HMGXB4: variants seen among roughly 807,000 people sequenced by gnomAD.
The protein encoded by HMGXB4 is HMG domain-containing protein 4.
In HMGXB4, 27 loss-of-function variants were observed where a neutral mutation model predicts 63.9. That is an observed-to-expected ratio of 0.42 (90% CI 0.31 to 0.58). HMGXB4 has a LOEUF of 0.58. Among genes scored for constraint, HMGXB4 ranks in the 20% least tolerant of loss-of-function variants. The pLI is 0.13. For synonymous variants in HMGXB4, 264 were observed against 265.3 expected (o/e 0.99, Z 0.05); for missense variants, 624 against 700.7 (o/e 0.89, Z 1.24).
Position 35,264,794 on chromosome 22 carries a change from G to A in HMGXB4, c.406G>A (p.Gly136Ser), listed in dbSNP as rs766666394. 7.4e-6 allele frequency: 12 copies of A among 1,614,146 alleles called. No individual in the cohort carries two copies. In the East Asian group the frequency reaches 2.7e-4, roughly 36 times the overall value. The change falls in exon 5 of 11, where the codon GGC becomes AGC. Residue 136 changes from glycine (G) to serine (S), a missense_variant. Around this residue, in one of 2 missense-constraint regions of HMGXB4, gnomAD observed 472 missense variants for 470.6 expected, o/e 1.00. Transcript: ENST00000216106. ...CAAAAAGACTGGGGAGAAATCCTCT[G>A]GCTCTTCAAGCCATTCGGAGAGTAA... Reference protein sequence around the residue: ...PSKKTGEKSSGSSSHSESKKE... With the variant: ...PSKKTGEKSSSSSSHSESKKE...
chr22:35,290,046 G>T (rs890778578), intron 9 of HMGXB4, among the ~76,000 whole-genome samples: 1 of 152,122 alleles, frequency 6.6e-6, no homozygotes, highest in African/African-American at 2.4e-5. Flanking sequence ...AAAAATTTTA[G>T]CAGTAGTCAA....
chr22:35,289,143 AAAG>A (rs912526807), intron 9 of HMGXB4, among the ~76,000 whole-genome samples: 2 of 42,120 alleles, frequency 4.7e-5, no homozygotes, highest in African/African-American at 7.5e-5. Flanking sequence ...CCATCACAAA[AAAG>A]AAAGAAAGAA....
At chr22:35,255,452 C>T (rs1278955853), upstream of HMGXB4, among the ~76,000 whole-genome samples, 1 of 152,188 alleles carries the variant, frequency 6.6e-6, no homozygotes, top group Admixed American at 6.5e-5. Context: ...GGGGTCGAAG[C>T]TGCAGTGAGC....
chr22:35,247,378 CT>C, the HMGXB4 span, among the ~76,000 whole-genome samples: 1 of 152,226 alleles, frequency 6.6e-6, no homozygotes, highest in Non-Finnish European at 1.5e-5. Context: ...AGATTGTTCC[CT>C]CCAGTCCTTC....
the HMGXB4 span, among the ~76,000 whole-genome samples, chr22:35,251,813 G>C: frequency 6.6e-6 from 1 of 152,102 alleles, no homozygotes; most frequent in Non-Finnish European, 1.5e-5. Flanking sequence ...TCAAAATCAA[G>C]GTAATAGACA....
chr22:35,285,747 G>A (rs1350148728), intron 6 of HMGXB4, among the ~76,000 whole-genome samples: 1 of 152,022 alleles, frequency 6.6e-6, no homozygotes, highest in Non-Finnish European at 1.5e-5. Context: ...CCAGAAAGAT[G>A]CTTAAGGAAT....
the HMGXB4 span, among the ~76,000 whole-genome samples, chr22:35,248,615 G>A: frequency 2.0e-5 from 3 of 151,972 alleles, no homozygotes; most frequent in Non-Finnish European, 4.4e-5. Flanking sequence ...ACGTTGCCCA[G>A]GCTGGTCTCG....
the HMGXB4 span, among the ~76,000 whole-genome samples, chr22:35,242,768 C>G: frequency 2.6e-5 from 4 of 152,012 alleles, no homozygotes; most frequent in Non-Finnish European, 5.9e-5. Context: ...TTATATATTT[C>G]CCTCTCGGCC....
intron 5 of HMGXB4, among the ~76,000 whole-genome samples, chr22:35,277,547 C>T (rs1302260271): frequency 6.6e-6 from 1 of 152,150 alleles, no homozygotes; most frequent in Non-Finnish European, 1.5e-5. Context: ...TGGGGTTTCA[C>T]CATATTGGCC....
Position 35,264,708 on chromosome 22 carries a change from A to T in HMGXB4, c.320A>T (p.Asp107Val). ...AAAAAGTCCAGCCCACAGTCTACTG[A>T]TACAGCTATGGACCTGTTGAAAGCT... ...KKKKSSPQST[D>V]TAMDLLKAIT... is the part of the protein sequence containing the mutation. The change falls in exon 5 of 11, where the codon GAT (aspartate) becomes GTT (valine). Residue 107 changes from aspartate to valine, a missense_variant. Physicochemically the swap from Asp to Val is radical, Grantham distance 152. Coordinates refer to ENST00000216106, the MANE Select transcript of HMGXB4 (RefSeq NM_001003681.3). 6.2e-7 allele frequency: 1 copy of T among 1,610,630 alleles called. No homozygotes were observed. The highest frequency in any genetic ancestry group is 8.5e-7 in the Non-Finnish European group (1 of 1,178,778).
Position 35,264,639 on chromosome 22 carries a change from T to G in HMGXB4, c.260-9T>G. 1 of 1,541,578 alleles carries G rather than the reference T, an allele frequency of 6.5e-7. No individual in the cohort carries two copies. The highest frequency in any genetic ancestry group is 8.7e-7 in the Non-Finnish European group (1 of 1,145,908). ...TCATATTGACAGTACTTCTCTTGATTATTTCTAGATATTTCGTCTTTGGAA... is the reference window on the plus strand; with the variant it reads ...TCATATTGACAGTACTTCTCTTGATGATTTCTAGATATTTCGTCTTTGGAA... On this transcript the variant is annotated splice_polypyrimidine_tract_variant and intron_variant, in intron 4 of 10. Transcript: ENST00000216106.
chr22:35,279,693 T>TC (rs1924129248), intron 5 of HMGXB4, among the ~76,000 whole-genome samples: 1 of 123,694 alleles, frequency 8.1e-6, no homozygotes, highest in South Asian at 2.9e-4. Flanking sequence ...TTTTTTTTTT[T>TC]TTTTTTGGCA....
In HMGXB4 at chr22:35,258,890, G is replaced by A. The variant is rs149273591; in HGVS notation, c.-69+1333G>A. Among the ~76,000 whole-genome samples the A allele has an allele frequency of 3.1e-3, 479 of 152,240 alleles. 2 individuals are homozygous for A. The highest frequency in any genetic ancestry group is 0.011 in the African/African-American group (461 of 41,530). On this transcript the variant is annotated intron_variant, in intron 1 of 10. Coordinates refer to ENST00000216106, the MANE Select transcript of HMGXB4 (RefSeq NM_001003681.3). The stretch of plus-strand genomic sequence containing the variant: ...ATTTCTCTTACTGTCCGTGTGACGG[G>A]GCTTACTTTGTTTCCTTTTTTTCGA...
intron 3 of HMGXB4, 28 bp downstream of exon 3, chr22:35,263,254 A>G: frequency 6.4e-7 from 1 of 1,556,866 alleles, no homozygotes; most frequent in Non-Finnish European, 8.7e-7. Flanking sequence ...AAATTAGGAA[A>G]GTCTTAAACT....
At chr22:35,242,528 C>T in the HMGXB4 span, among the ~76,000 whole-genome samples, 1 of 145,002 alleles carries the variant, frequency 6.9e-6, no homozygotes, top group African/African-American at 2.7e-5. Flanking sequence ...TAATAGTAAT[C>T]TGCTCTCTCT....
chr22:35,256,453 A>G (rs1922408063), upstream of HMGXB4, among the ~76,000 whole-genome samples: 1 of 152,186 alleles, frequency 6.6e-6, no homozygotes, highest in African/African-American at 2.4e-5. Flanking sequence ...CTCACAAGGA[A>G]GCCCATTGTA....
chr22:35,293,230 G>C (rs780713773), intron 10 of HMGXB4, 116 bp downstream of exon 10: 2 of 1,175,994 alleles, frequency 1.7e-6, no homozygotes, highest in South Asian at 1.4e-5. Flanking sequence ...TCCTTCATCT[G>C]TTGGCCCATG....
chr22:35,277,298 TTG>T (rs1307220998), intron 5 of HMGXB4, among the ~76,000 whole-genome samples: 11 of 152,194 alleles, frequency 7.2e-5, no homozygotes, highest in South Asian at 2.1e-4. Context: ...CTCATTTTAT[TTG>T]TGTGTTTCTT....
chr22:35,262,253 T>G, intron 1 of HMGXB4, 70 bp from the exon 2 acceptor site: 1 of 837,772 alleles, frequency 1.2e-6, no homozygotes, highest in South Asian at 1.5e-5. Flanking sequence ...CACTGCGCAT[T>G]TCCATCTGGA....
Sources: allele counts gnomAD v4.1 joint callset (sites outside exome capture counted in the v4.1 genomes callset), GRCh38; gene constraint gnomAD v4.1.1; regional missense constraint gnomAD v4.1.1; transcripts MANE v1.5; gene names NCBI Gene and HGNC (gene_info 2026-07-23, HGNC 2026-07-21).